The following AKAP6 variants were observed in gnomAD, a reference collection of about 807,000 sequenced individuals.
The protein encoded by AKAP6 is A-kinase anchoring protein 6, also known as A-kinase anchor protein 6.
A neutral mutation model predicts 188.5 loss-of-function variants in AKAP6; 58 were observed. The observed-to-expected ratio is 0.31, with a 90% CI of 0.25 to 0.38. The LOEUF (loss-of-function observed/expected upper bound fraction) is 0.38. Among genes scored for constraint, AKAP6 ranks in the 10% least tolerant of loss-of-function variants. The probability of loss-of-function intolerance (pLI) is 1.00; values close to 1 mark genes in which losing one functional copy is unlikely to be tolerated. For synonymous variants in AKAP6, 989 were observed against 998.6 expected, an observed-to-expected ratio of 0.99 and a Z score of 0.18; for missense variants, 2,710 against 2,740.0, an observed-to-expected ratio of 0.99 and a Z score of 0.24.
chr14:32,688,927 T>C (rs939142647), intron 8 of AKAP6, among the ~76,000 whole-genome samples: 4 of 152,180 alleles, frequency 2.6e-5, no homozygotes, highest in African/African-American at 7.2e-5. Flanking sequence ...TATTGCCTAT[T>C]ACATCTTGGA....
At chr14:32,609,535 G>GCTTCTCAT (rs1471177503) in intron 7 of AKAP6, among the ~76,000 whole-genome samples, 1 of 152,118 alleles carries the variant, frequency 6.6e-6, no homozygotes, top group Non-Finnish European at 1.5e-5. Context: ...TGGGGCAGTG[G>GCTTCTCAT]CTTCTCATTT....
chr14:32,689,841 G>A (rs145122224), intron 8 of AKAP6, among the ~76,000 whole-genome samples: 9 of 151,874 alleles, frequency 5.9e-5, no homozygotes, highest in East Asian at 1.9e-4. Context: ...ACTCCTTTAC[G>A]TGTCTTTTTT....
At chr14:32,560,195 C>T (rs1412665171) in intron 4 of AKAP6, among the ~76,000 whole-genome samples, 2 of 152,132 alleles carry the variant, frequency 1.3e-5, no homozygotes, top group Non-Finnish European at 2.9e-5. Context: ...GGTAAGGCTG[C>T]ACAATTCTTT....
At chr14:32,826,996 T>C (rs930249457) in intron 13 of AKAP6, among the ~76,000 whole-genome samples, 3 of 152,204 alleles carry the variant, frequency 2.0e-5, no homozygotes, top group African/African-American at 7.2e-5. Flanking sequence ...ATTCAGGATT[T>C]TTTTCAGTAT....
At chr14:32,605,363 C>T (rs1246701419) in intron 7 of AKAP6, among the ~76,000 whole-genome samples, 2 of 151,964 alleles carry the variant, frequency 1.3e-5, no homozygotes, top group East Asian at 3.9e-4. Context: ...ATAGCATATA[C>T]AAAGATAGAG....
chr14:32,648,702 C>G (rs1049339148), intron 7 of AKAP6, among the ~76,000 whole-genome samples: 4 of 152,098 alleles, frequency 2.6e-5, no homozygotes. Flanking sequence ...AAAGCATACT[C>G]TGTGTTTGTT....
intron 11 of AKAP6, among the ~76,000 whole-genome samples, chr14:32,750,489 A>G (rs1003123656): frequency 2.0e-5 from 3 of 152,042 alleles, no homozygotes; most frequent in African/African-American, 7.2e-5. Context: ...TCGGAGACCA[A>G]AGCAGTAGGA....
At chr14:32,721,221 C>G (rs149496824) in intron 9 of AKAP6, among the ~76,000 whole-genome samples, 138 of 152,248 alleles carry the variant, frequency 9.1e-4, no homozygotes, top group African/African-American at 3.3e-3. Flanking sequence ...CACAGAAAAC[C>G]CTTTGAGATG....
intron 7 of AKAP6, among the ~76,000 whole-genome samples, chr14:32,608,556 C>T (rs1199820689): frequency 6.6e-6 from 1 of 150,484 alleles, no homozygotes; most frequent in Non-Finnish European, 1.5e-5. Context: ...ACTTCCATTG[C>T]TGGTGGCCTT....
chr14:32,354,193 A>G (rs1887398956), intron 1 of AKAP6, among the ~76,000 whole-genome samples: 1 of 151,930 alleles, frequency 6.6e-6, no homozygotes, highest in South Asian at 2.1e-4. Flanking sequence ...GCATCATGCT[A>G]CCTGACTTCA....
At chr14:32,356,210 T>C (rs1010035184) in intron 1 of AKAP6, among the ~76,000 whole-genome samples, 4 of 152,180 alleles carry the variant, frequency 2.6e-5, no homozygotes, top group African/African-American at 9.7e-5. Flanking sequence ...CTTCCTGAAT[T>C]CTATCCATAG....
Position 32,822,260 on chromosome 14 carries a change from A to G in AKAP6, c.4447A>G (p.Ile1483Val), listed in dbSNP as rs926878987. 6.2e-7 allele frequency: 1 copy of G among 1,613,934 alleles called. No individual in the cohort carries two copies. Among genetic ancestry groups the G allele is most frequent in the Non-Finnish European group, 8.5e-7 (1 of 1,179,934 alleles). Reference protein sequence around the residue: ...LQGSKLKLPMIMKQSQSEKAH... With the variant: ...LQGSKLKLPMVMKQSQSEKAH... ...AGGCTCAAAACTCAAATTACCAATG[A>G]TAATGAAACAGTCACAAAGCGAAAA... is the stretch of plus-strand genomic sequence containing the variant. Residue 1483 changes from isoleucine (I) to valine (V), a missense_variant, in exon 13 of 14, where the codon ATA becomes GTA. By Grantham distance (29) the Ile-to-Val change is conservative. Transcript: ENST00000280979.
In AKAP6 at chr14:32,517,840, A is replaced by G. The variant is rs117857447; in HGVS notation, c.325-17714A>G. Among the ~76,000 whole-genome samples the G allele has an allele frequency of 1.5e-3, 233 of 152,358 alleles. 1 individual carries two copies. Among genetic ancestry groups the G allele is most frequent in the Non-Finnish European group, 2.6e-3 (174 of 68,024 alleles). The stretch of plus-strand genomic sequence containing the variant: ...ACCTCCCTGTCTGACAGTTTTGAAG[A>G]GAGCAGTGGTTCTCCTAGCACGGAG... On this transcript the variant is annotated intron_variant, in intron 2 of 13. Transcript: ENST00000280979.
chr14:32,440,208 C>T (rs1049381918), intron 2 of AKAP6, among the ~76,000 whole-genome samples: 3 of 151,944 alleles, frequency 2.0e-5, no homozygotes, highest in Admixed American at 6.6e-5. Context: ...GCATAGTATT[C>T]CATGGTGTAT....
chr14:32,476,550 T>C (rs926690694), intron 2 of AKAP6, among the ~76,000 whole-genome samples: 3 of 152,238 alleles, frequency 2.0e-5, no homozygotes, highest in Non-Finnish European at 4.4e-5. Context: ...ATTTTAGCCC[T>C]GTTTCCCATC....
At chr14:32,518,046 T>C (rs192137194) in intron 2 of AKAP6, among the ~76,000 whole-genome samples, 2 of 152,200 alleles carry the variant, frequency 1.3e-5, no homozygotes, top group African/African-American at 4.8e-5. Context: ...CAACATTTGC[T>C]GTTCTGCAGC....
At chr14:32,642,048 C>A (rs2139494908) in intron 7 of AKAP6, among the ~76,000 whole-genome samples, 1 of 152,220 alleles carries the variant, frequency 6.6e-6, no homozygotes, top group East Asian at 1.9e-4. Flanking sequence ...TTAATATAGT[C>A]TTCTTGTTCA....
At chr14:32,713,497 A>G (rs1393862222) in intron 9 of AKAP6, among the ~76,000 whole-genome samples, 2 of 151,768 alleles carry the variant, frequency 1.3e-5, no homozygotes, top group Admixed American at 1.3e-4. Flanking sequence ...TTTTGTCTAC[A>G]CTGAAAAATC....
intron 1 of AKAP6, among the ~76,000 whole-genome samples, chr14:32,366,188 C>G (rs1887828521): frequency 6.6e-6 from 1 of 152,200 alleles, no homozygotes; most frequent in African/African-American, 2.4e-5. Context: ...GCCACCTGTG[C>G]TCAGGCACCA....
Sources: allele counts gnomAD v4.1 joint callset (sites outside exome capture counted in the v4.1 genomes callset), GRCh38; gene constraint gnomAD v4.1.1; transcripts MANE v1.5; gene names NCBI Gene and HGNC (gene_info 2026-07-23, HGNC 2026-07-21).